SPIDR: variants seen among roughly 807,000 people sequenced by gnomAD.
SPIDR encodes the protein DNA repair-scaffolding protein.
A neutral mutation model predicts 104.6 loss-of-function variants in SPIDR; 93 were observed. The ratio of observed to expected loss-of-function variants is 0.89; its 90% CI spans 0.75 to 1.06. SPIDR has a LOEUF of 1.06. Ranked by LOEUF, SPIDR falls within the 50% of genes least tolerant of loss-of-function variation. The pLI is 0.00. For synonymous variants in SPIDR, 431 were observed against 416.9 expected (o/e 1.03, Z -0.41); for missense variants, 1,154 against 1,111.2 (o/e 1.04, Z -0.55).
intron 10 of SPIDR, chr8:47,660,457 T>C: frequency 1.0e-6 from 1 of 985,412 alleles, no homozygotes; most frequent in Non-Finnish European, 1.2e-6. Flanking sequence ...CTCACCCTCA[T>C]GGCTCAGAAA....
chr8:47,497,988 C>G (rs1360743328), intron 8 of SPIDR, among the ~76,000 whole-genome samples: 1 of 152,162 alleles, frequency 6.6e-6, no homozygotes, highest in African/African-American at 2.4e-5. Context: ...CATGCATTTG[C>G]ACAGCAGAGT....
At chr8:47,669,275 G>A (rs986634759) in intron 10 of SPIDR, among the ~76,000 whole-genome samples, 3 of 152,228 alleles carry the variant, frequency 2.0e-5, no homozygotes, top group East Asian at 1.9e-4. Context: ...AGGAGATAGC[G>A]TTTCACTGGG....
At chr8:47,513,798 A>G (rs1009702322) in intron 8 of SPIDR, among the ~76,000 whole-genome samples, 4 of 152,186 alleles carry the variant, frequency 2.6e-5, no homozygotes, top group Non-Finnish European at 5.9e-5. Context: ...CATGGGATCT[A>G]TGTTAATAGC....
chr8:47,392,373 A>T (rs1368768579), intron 5 of SPIDR, among the ~76,000 whole-genome samples: 1 of 152,180 alleles, frequency 6.6e-6, no homozygotes, highest in African/African-American at 2.4e-5. Context: ...TGCTGTATGC[A>T]GGGTATGTTT....
At chr8:47,519,404 C>T (rs2083676184) in intron 8 of SPIDR, among the ~76,000 whole-genome samples, 1 of 152,178 alleles carries the variant, frequency 6.6e-6, no homozygotes, top group African/African-American at 2.4e-5. Context: ...CTCAGTCTCC[C>T]AAAATGCAGG....
intron 5 of SPIDR, among the ~76,000 whole-genome samples, chr8:47,361,650 C>T (rs781900072): frequency 6.6e-6 from 1 of 152,216 alleles, no homozygotes; most frequent in Admixed American, 6.5e-5. Context: ...GGGCTCCACC[C>T]TCCTTGTTTT....
chr8:47,365,609 C>T (rs2057048211), intron 5 of SPIDR, among the ~76,000 whole-genome samples: 2 of 152,268 alleles, frequency 1.3e-5, no homozygotes, highest in Admixed American at 1.3e-4. Flanking sequence ...TGTTCCTTTT[C>T]CTGCATTAAA....
intron 5 of SPIDR, among the ~76,000 whole-genome samples, chr8:47,389,880 A>G (rs1554650609): frequency 6.6e-6 from 1 of 152,072 alleles, no homozygotes; most frequent in Non-Finnish European, 1.5e-5. Flanking sequence ...TTAAAATTTT[A>G]ATAACAATTT....
chr8:47,548,900 C>G (rs2154396174), intron 8 of SPIDR, among the ~76,000 whole-genome samples: 1 of 152,240 alleles, frequency 6.6e-6, no homozygotes, highest in South Asian at 2.1e-4. Flanking sequence ...GGTATATCTC[C>G]TAATGCTATC....
intron 1 of SPIDR, among the ~76,000 whole-genome samples, chr8:47,276,380 T>A (rs1257342897): frequency 7.2e-5 from 11 of 152,342 alleles, no homozygotes; most frequent in Admixed American, 7.2e-4. Flanking sequence ...CTGAGTTTTG[T>A]ATGTACTTTT....
chr8:47,459,344 A>C (rs782688559), intron 8 of SPIDR, among the ~76,000 whole-genome samples: 3 of 151,972 alleles, frequency 2.0e-5, no homozygotes, highest in Non-Finnish European at 4.4e-5. Context: ...CAGGGTTTCT[A>C]ATTCTTCCTG....
chr8:47,339,265 C>T (rs2050294658), intron 5 of SPIDR, among the ~76,000 whole-genome samples: 1 of 151,998 alleles, frequency 6.6e-6, no homozygotes, highest in South Asian at 2.1e-4. Flanking sequence ...TAAGATTGCC[C>T]CTTCTGTTTA....
intron 8 of SPIDR, among the ~76,000 whole-genome samples, chr8:47,514,820 C>T (rs1444106420): frequency 6.6e-6 from 1 of 152,122 alleles, no homozygotes; most frequent in Admixed American, 6.5e-5. Flanking sequence ...CCCAAAACAG[C>T]ACACATGGTT....
chr8:47,481,163 T>A (rs1215869870), intron 8 of SPIDR, among the ~76,000 whole-genome samples: 1 of 152,236 alleles, frequency 6.6e-6, no homozygotes, highest in Admixed American at 6.5e-5. Flanking sequence ...CTGACTGACT[T>A]CTTGGTCACT....
intron 5 of SPIDR, among the ~76,000 whole-genome samples, chr8:47,300,628 A>G (rs1488305750): frequency 5.3e-5 from 8 of 152,188 alleles, no homozygotes; most frequent in Non-Finnish European, 1.2e-4. Context: ...AATGTGTCCC[A>G]GAGATTCTGG....
At chr8:47,615,597 C>G (rs2064194072) in intron 10 of SPIDR, among the ~76,000 whole-genome samples, 1 of 151,420 alleles carries the variant, frequency 6.6e-6, no homozygotes, top group Non-Finnish European at 1.5e-5. Flanking sequence ...CTCAGTCTCC[C>G]AAGTAGCTGG....
chr8:47,378,127 A>G (rs1313008250), intron 5 of SPIDR, among the ~76,000 whole-genome samples: 1 of 152,132 alleles, frequency 6.6e-6, no homozygotes, highest in Non-Finnish European at 1.5e-5. Flanking sequence ...TACCTTTGAC[A>G]TTTCTAGTTT....
chr8:47,571,504 C>T (rs1327139374), intron 8 of SPIDR, among the ~76,000 whole-genome samples: 1 of 152,062 alleles, frequency 6.6e-6, no homozygotes, highest in Non-Finnish European at 1.5e-5. Context: ...TCCTACTTCC[C>T]TCCCAGAATT....
intron 10 of SPIDR, among the ~76,000 whole-genome samples, chr8:47,613,537 T>C (rs2063869896): frequency 6.6e-6 from 1 of 152,218 alleles, no homozygotes; most frequent in South Asian, 2.1e-4. Flanking sequence ...CTGGGTCATA[T>C]GGTAATTATG....
Sources: gnomAD v4.1 joint callset for allele counts (sites outside exome capture counted in the v4.1 genomes callset) on GRCh38, gnomAD v4.1.1 for gene constraint, MANE v1.5 for transcripts, NCBI Gene and HGNC (gene_info 2026-07-23, HGNC 2026-07-21) for gene names.